Variants in TLL1 observed in about 807,000 individuals in gnomAD.
TLL1 encodes tolloid-like protein 1.
Under a neutral mutation model 128.2 loss-of-function variants are expected in TLL1, and 49 were observed. The ratio of observed to expected loss-of-function variants is 0.38; its 90% CI spans 0.30 to 0.48. TLL1 has a LOEUF of 0.48. Ranked by LOEUF, TLL1 falls within the 20% of genes least tolerant of loss-of-function variation. TLL1 has a pLI of 0.96. For missense variants in TLL1, 1,123 were observed against 1,242.0 expected (o/e 0.90, Z 1.44); for synonymous variants, 454 against 418.8 (o/e 1.08, Z -1.03).
chr4:165,897,219 T>A (rs1022192826), intron 1 of TLL1, among the ~76,000 whole-genome samples: 8 of 152,186 alleles, frequency 5.3e-5, no homozygotes, highest in African/African-American at 1.7e-4. Context: ...GTGCAGAAGC[T>A]CTTTAGTTTA....
At chr4:165,995,018 C>T (rs774783588) in intron 4 of TLL1, 43 bp from the exon 5 acceptor site, 1 of 1,526,842 alleles carries the variant, frequency 6.5e-7, no homozygotes, top group Non-Finnish European at 9.1e-7. Context: ...AGCATTCTTC[C>T]TGGGGATGCC....
intron 1 of TLL1, among the ~76,000 whole-genome samples, chr4:165,968,963 A>G (rs1274096935): frequency 1.3e-5 from 2 of 152,190 alleles, no homozygotes; most frequent in African/African-American, 2.4e-5. Flanking sequence ...TAAGCCTTGT[A>G]GAACCTGGAA....
intron 1 of TLL1, among the ~76,000 whole-genome samples, chr4:165,963,754 G>A (rs1394172204): frequency 6.6e-6 from 1 of 152,114 alleles, no homozygotes; most frequent in Non-Finnish European, 1.5e-5. Flanking sequence ...TAGGATAGAA[G>A]AGAACATGTT....
intron 16 of TLL1, among the ~76,000 whole-genome samples, chr4:166,072,664 G>A (rs2051926169): frequency 6.6e-6 from 1 of 151,708 alleles, no homozygotes; most frequent in Non-Finnish European, 1.5e-5. Context: ...ATGAAGTTTG[G>A]ATATTAGGGA....
Position 165,950,642 on chromosome 4 carries a change from C to T in TLL1, c.170-38739C>T, listed in dbSNP as rs539631375. On this transcript the variant is annotated intron_variant, in intron 1 of 20. Coordinates refer to ENST00000061240, the MANE Select transcript of TLL1 (RefSeq NM_012464.5). ...TCACATATTTGGAAATATTAAATAA[C>T]GTATATAACATATCAATAAATACTC... Among the ~76,000 whole-genome samples, 22 of 151,718 alleles carry T rather than the reference C, an allele frequency of 1.5e-4. 1 individual carries two copies. The highest frequency in any genetic ancestry group is 9.7e-4 in the East Asian group (5 of 5,160).
At chr4:166,051,228 TTCTC>T (rs1458717105) in intron 12 of TLL1, among the ~76,000 whole-genome samples, 1 of 151,978 alleles carries the variant, frequency 6.6e-6, no homozygotes, top group African/African-American at 2.4e-5. Context: ...AAACTGCTCT[TTCTC>T]TTTTCTTTTT....
chr4:165,888,055 T>C (rs1731243005), intron 1 of TLL1, among the ~76,000 whole-genome samples: 1 of 152,212 alleles, frequency 6.6e-6, no homozygotes, highest in Non-Finnish European at 1.5e-5. Flanking sequence ...ATTCTTCATA[T>C]AGGCAATCAG....
At chr4:166,030,699 G>T in intron 9 of TLL1, 1 of 1,126,418 alleles carries the variant, frequency 8.9e-7, no homozygotes, top group African/African-American at 1.6e-5. Context: ...TGTACATGTG[G>T]ATATCCAGTT....
intron 12 of TLL1, 151 bp from the exon 13 acceptor site, chr4:166,054,925 A>G (rs1739932199): frequency 3.2e-6 from 2 of 626,250 alleles, no homozygotes; most frequent in South Asian, 2.2e-5. Context: ...ATTACAGTGT[A>G]CGTTCATGAG....
rs559504535 is a variant in TLL1 at position 165,905,203 on chromosome 4, G to A, written c.169+31130G>A. On this transcript the variant is annotated intron_variant, in intron 1 of 20. Transcript: ENST00000061240. ...GCTATGCGATCCAGCTATCCCATTC[G>A]TATACATTTACCAAAGAGAAATGAA... Among the ~76,000 whole-genome samples, 14 of 152,194 alleles carry A rather than the reference G, an allele frequency of 9.2e-5. No individual in the cohort carries two copies. The South Asian group carries it at 1.5e-3, about 16-fold the overall frequency.
chr4:165,900,923 C>A (rs533263827), intron 1 of TLL1, among the ~76,000 whole-genome samples: 1 of 152,038 alleles, frequency 6.6e-6, no homozygotes, highest in Non-Finnish European at 1.5e-5. Context: ...TTCTTGGAGG[C>A]TTTGTTCATT....
chr4:166,001,499 A>AT (rs1737149105), intron 5 of TLL1, among the ~76,000 whole-genome samples: 1 of 151,904 alleles, frequency 6.6e-6, no homozygotes. Context: ...GAAAAACATC[A>AT]TTTTTTCTAT....
chr4:165,884,521 A>G (rs1479306327), intron 1 of TLL1, among the ~76,000 whole-genome samples: 1 of 152,220 alleles, frequency 6.6e-6, no homozygotes, highest in Non-Finnish European at 1.5e-5. Context: ...TGGTTTTAAA[A>G]TCACACAACT....
intron 1 of TLL1, among the ~76,000 whole-genome samples, chr4:165,882,948 A>G (rs2110814504): frequency 6.6e-6 from 1 of 152,118 alleles, no homozygotes; most frequent in South Asian, 2.1e-4. Flanking sequence ...GAAAGAAGAT[A>G]CGTGTTCGAG....
chr4:165,895,266 T>C (rs558644860), intron 1 of TLL1, among the ~76,000 whole-genome samples: 5 of 152,176 alleles, frequency 3.3e-5, no homozygotes, highest in Non-Finnish European at 5.9e-5. Flanking sequence ...GAATTCCTAA[T>C]AGAGCAGTTC....
At chr4:166,023,843 C>T (rs1191699883) in intron 8 of TLL1, among the ~76,000 whole-genome samples, 3 of 151,800 alleles carry the variant, frequency 2.0e-5, no homozygotes, top group Non-Finnish European at 4.4e-5. Flanking sequence ...TCAGTACTGG[C>T]ATTCTCTGTG....
intron 1 of TLL1, among the ~76,000 whole-genome samples, chr4:165,942,597 T>A (rs1413769380): frequency 6.7e-6 from 1 of 149,690 alleles, no homozygotes; most frequent in Non-Finnish European, 1.5e-5. Flanking sequence ...TTTGTATGTG[T>A]GTGTATATAT....
chr4:165,994,441 A>C lies in TLL1; in HGVS notation c.422A>C (p.Glu141Ala). 1 of 1,614,080 alleles carries C rather than the reference A, an allele frequency of 6.2e-7. No homozygotes were observed. Among genetic ancestry groups the C allele is most frequent in the Middle Eastern group, 1.7e-4 (1 of 6,060 alleles). ...KVPLQFSGQN[E>A]KNRVPRAATS... is the part of the protein sequence containing the mutation. Reference sequence around the variant, plus strand: ...CCTCTACAATTCTCAGGGCAAAATGAGAAAAATCGAGTTCCCAGAGCCGCT... The same window carrying C: ...CCTCTACAATTCTCAGGGCAAAATGCGAAAAATCGAGTTCCCAGAGCCGCT... The change falls in exon 4 of 21, where the codon GAG (glutamate) becomes GCG (alanine). Residue 141 changes from glutamate (E) to alanine (A), a missense_variant. Physicochemically the swap from Glu to Ala is moderately radical, Grantham distance 107 (BLOSUM62 -1). Coordinates refer to ENST00000061240, the MANE Select transcript of TLL1 (RefSeq NM_012464.5).
intron 1 of TLL1, among the ~76,000 whole-genome samples, chr4:165,911,932 G>A (rs1732551275): frequency 6.6e-6 from 1 of 152,112 alleles, no homozygotes; most frequent in African/African-American, 2.4e-5. Context: ...CTGGAGTGCA[G>A]TGGCATGATC....
Sources: allele counts gnomAD v4.1 joint callset (sites outside exome capture counted in the v4.1 genomes callset), GRCh38; gene constraint gnomAD v4.1.1; transcripts MANE v1.5; gene names NCBI Gene and HGNC (gene_info 2026-07-23, HGNC 2026-07-21).